ANO4: variants seen among roughly 807,000 people sequenced by gnomAD.
The protein encoded by ANO4 is anoctamin-4.
ANO4 carries 69 observed loss-of-function variants against 141.9 expected under a neutral mutation model. That is an observed-to-expected ratio of 0.49 (90% CI 0.40 to 0.59). The LOEUF (loss-of-function observed/expected upper bound fraction) is 0.59, where lower values mean the gene tolerates loss of function less well. ANO4 is among the 20% of genes least tolerant of loss of function. ANO4 has a pLI of 0.00. For missense variants in ANO4, 894 were observed against 1,162.2 expected (o/e 0.77, Z 3.36); for synonymous variants, 350 against 394.3 (o/e 0.89, Z 1.33).
intron 3 of ANO4, among the ~76,000 whole-genome samples, chr12:100,752,894 C>T (rs1391001102): frequency 6.6e-6 from 1 of 152,162 alleles, no homozygotes; most frequent in Admixed American, 6.5e-5. Context: ...AGCATTTACT[C>T]GTTTATCTAG....
chr12:100,904,364 A>G (rs2040739544), intron 2 of ANO4, among the ~76,000 whole-genome samples: 1 of 141,768 alleles, frequency 7.1e-6, no homozygotes. Context: ...TATATAACAT[A>G]TAGTGTTTAG....
At chr12:101,113,771 G>A (rs1326817965) in intron 24 of ANO4, among the ~76,000 whole-genome samples, 1 of 152,108 alleles carries the variant, frequency 6.6e-6, no homozygotes, top group Admixed American at 6.6e-5. Flanking sequence ...CCTTTCTTAT[G>A]TATTAAAGGA....
chr12:100,939,358 C>T lies in ANO4; in HGVS notation c.204C>T (p.Val68=). The T allele has an allele frequency of 6.2e-7, 1 of 1,613,562 alleles. No homozygotes were observed. The highest frequency in any genetic ancestry group is 1.3e-5 in the African/African-American group (1 of 75,022). The change falls in exon 4 of 28, where the codon GTC becomes GTT. Residue 68 remains valine (V), a synonymous_variant. Transcript: ENST00000392977. ...TTCTTTTTGATGAATTAGAAGCTGT[C>T]AGCAGTCCTTGCAAAGATGACGATT... ...VNILFDELEA[V]SSPCKDDDSL...
intron 13 of ANO4, among the ~76,000 whole-genome samples, chr12:101,045,175 A>C (rs1347110967): frequency 2.6e-5 from 4 of 152,246 alleles, no homozygotes; most frequent in African/African-American, 9.6e-5. Flanking sequence ...TATAATAGTT[A>C]CAGCTATAAT....
intron 2 of ANO4, among the ~76,000 whole-genome samples, chr12:100,911,842 T>G (rs777476890): frequency 6.6e-6 from 1 of 152,164 alleles, no homozygotes; most frequent in Non-Finnish European, 1.5e-5. Flanking sequence ...AACTTATGCT[T>G]TAGGGAAACA....
At position 100,922,307 on chromosome 12, in the gene ANO4, A is replaced by C. The variant is rs1208370646; in HGVS notation, c.137A>C (p.Glu46Ala). ...CCAAAGAGTGATGTGGACTTTTCAG[A>C]GATTCTTAATGCAATACAAGAAAGT... is the stretch of plus-strand genomic sequence containing the variant. ...DGPKSDVDFSEILNAIQEMAK... is the reference protein window; with the variant it reads ...DGPKSDVDFSAILNAIQEMAK... Residue 46 changes from glutamate to alanine, a missense_variant, in exon 3 of 28, where the codon GAG (glutamate) becomes GCG (alanine). By Grantham distance (107) the Glu-to-Ala change is moderately radical. Transcript: ENST00000392977. The C allele has an allele frequency of 3.9e-6, 6 of 1,531,796 alleles. No homozygotes were observed. Among genetic ancestry groups the C allele is most frequent in the Non-Finnish European group, 5.2e-6 (6 of 1,145,628 alleles). 94.9% of individuals were successfully genotyped at this position (1,531,796 alleles called of 1,614,324 possible).
At chr12:101,098,041 T>C (rs949352034) in intron 21 of ANO4, 96 bp downstream of exon 21, 2 of 1,091,052 alleles carry the variant, frequency 1.8e-6, no homozygotes, top group Admixed American at 3.8e-5. Flanking sequence ...ACTCAGCAGT[T>C]AAGCCAGTGC....
In ANO4 at chr12:100,855,847, C is replaced by T. The variant is rs1029531061; in HGVS notation, c.-140-45799C>T. Among the ~76,000 whole-genome samples the T allele has an allele frequency of 3.3e-5, 5 of 152,078 alleles. No individual in the cohort carries two copies. The East Asian group carries it at 5.8e-4, about 18-fold the overall frequency. The stretch of plus-strand genomic sequence containing the variant: ...TGAGTGGCATAGTGACAAATAGGAC[C>T]TGCTTCAAGTTTCAAGGAATTTACA... On this transcript the variant is annotated intron_variant, in intron 1 of 27. Transcript: ENST00000392977.
At chr12:100,795,066 G>A (rs951043407) in intron 1 of ANO4, 39 bp downstream of exon 1, 1 of 152,696 alleles carries the variant, frequency 6.5e-6, no homozygotes, top group African/African-American at 2.4e-5. Context: ...TGTTGCTGCA[G>A]TGAACTGAAC....
chr12:101,026,523 A>T (rs1038349600), intron 9 of ANO4, among the ~76,000 whole-genome samples: 3 of 152,198 alleles, frequency 2.0e-5, no homozygotes, highest in Non-Finnish European at 4.4e-5. Context: ...GTATATGTGA[A>T]AATTGACAAA....
At chr12:100,779,497 G>A (rs1022989874) in intron 3 of ANO4, among the ~76,000 whole-genome samples, 2 of 152,174 alleles carry the variant, frequency 1.3e-5, no homozygotes, top group South Asian at 2.1e-4. Flanking sequence ...TTCTACCATG[G>A]CAGCTGTTTC....
chr12:100,829,531 G>A (rs2036532368), intron 1 of ANO4, among the ~76,000 whole-genome samples: 1 of 151,938 alleles, frequency 6.6e-6, no homozygotes, highest in Non-Finnish European at 1.5e-5. Flanking sequence ...CCTTAACATA[G>A]TACAATGTGT....
chr12:100,939,192 C>A, intron 3 of ANO4, 123 bp from the exon 4 acceptor site: 1 of 965,400 alleles, frequency 1.0e-6, no homozygotes, highest in Non-Finnish European at 1.5e-6. Context: ...ATATGCTTGT[C>A]ACTCAAGGAG....
intron 8 of ANO4, among the ~76,000 whole-genome samples, chr12:101,018,820 A>T (rs1314696561): frequency 6.6e-6 from 1 of 152,110 alleles, no homozygotes; most frequent in African/African-American, 2.4e-5. Context: ...GCATACACTC[A>T]CATTCATTTC....
At chr12:101,058,617 T>C (rs2048224138) in intron 14 of ANO4, among the ~76,000 whole-genome samples, 2 of 152,224 alleles carry the variant, frequency 1.3e-5, no homozygotes, top group African/African-American at 4.8e-5. Context: ...TTATTCTCTT[T>C]GTAGCAATTG....
intron 1 of ANO4, among the ~76,000 whole-genome samples, chr12:100,884,355 GCTTCACAGT>G: frequency 6.6e-6 from 1 of 152,310 alleles, no homozygotes; most frequent in South Asian, 2.1e-4. Flanking sequence ...AGACAGGGCA[GCTTCACAGT>G]CTCCCTCCTC....
intron 8 of ANO4, among the ~76,000 whole-genome samples, chr12:100,988,030 G>T (rs1050502739): frequency 6.6e-6 from 1 of 152,184 alleles, no homozygotes; most frequent in Non-Finnish European, 1.5e-5. Flanking sequence ...CAGACAGGAG[G>T]AGTGGCCTAC....
chr12:101,075,352 G>A (rs968026748), intron 14 of ANO4, among the ~76,000 whole-genome samples: 1 of 152,026 alleles, frequency 6.6e-6, no homozygotes, highest in Non-Finnish European at 1.5e-5. Context: ...TAGGTGATGT[G>A]GCTCCACTGA....
At chr12:101,033,571 A>T (rs1329320495) in intron 9 of ANO4, among the ~76,000 whole-genome samples, 3 of 152,216 alleles carry the variant, frequency 2.0e-5, no homozygotes, top group African/African-American at 4.8e-5. Context: ...CATTCAGGAC[A>T]TAGGCATGGG....
Sources: allele counts gnomAD v4.1 joint callset (sites outside exome capture counted in the v4.1 genomes callset), GRCh38; gene constraint gnomAD v4.1.1; transcripts MANE v1.5; gene names NCBI Gene and HGNC (gene_info 2026-07-23, HGNC 2026-07-21).